ZSCAN22: variants seen among roughly 807,000 people sequenced by gnomAD.
ZSCAN22 encodes the protein zinc finger and SCAN domain containing 22.
A neutral mutation model predicts 12.4 loss-of-function variants in ZSCAN22; 7 were observed. That is an observed-to-expected ratio of 0.57 (90% confidence interval 0.32 to 1.06). The LOEUF (loss-of-function observed/expected upper bound fraction) is 1.06, where lower values mean the gene tolerates loss of function less well. Ranked by LOEUF, ZSCAN22 falls within the 50% of genes least tolerant of loss-of-function variation. ZSCAN22 has a pLI of 0.04. For synonymous variants in ZSCAN22, 243 were observed against 255.9 expected, an observed-to-expected ratio of 0.95 and a Z score of 0.48; for missense variants, 576 against 631.7, an observed-to-expected ratio of 0.91 and a Z score of 0.94.
chr19:58,337,971 T>C (rs2051817292), intron 2 of ZSCAN22, among the ~76,000 whole-genome samples: 1 of 152,238 alleles, frequency 6.6e-6, no homozygotes, highest in Non-Finnish European at 1.5e-5. Flanking sequence ...ACATCAGGGT[T>C]TCTCCTCTTG....
At chr19:58,327,377 C>G (rs1600480820) in intron 1 of ZSCAN22, among the ~76,000 whole-genome samples, 1 of 152,014 alleles carries the variant, frequency 6.6e-6, no homozygotes, top group Non-Finnish European at 1.5e-5. Context: ...ACTCACGGAC[C>G]GAATGTGGTG....
Position 58,329,725 on chromosome 19 carries a change from A to T in ZSCAN22, c.-52+2611A>T, listed in dbSNP as rs530941148. Among the ~76,000 whole-genome samples, 2 of 152,266 alleles carry T rather than the reference A, an allele frequency of 1.3e-5. No homozygotes were observed. The highest frequency in any genetic ancestry group is 4.1e-4 in the South Asian group (2 of 4,824). Reference sequence around the variant, plus strand: ...TCTATTTTATTAGTCATTGTTGTTAATTTCTTACTATGCCTAACTTATGAA... The same window carrying T: ...TCTATTTTATTAGTCATTGTTGTTATTTTCTTACTATGCCTAACTTATGAA... On this transcript the variant is annotated intron_variant, in intron 1 of 2. Coordinates refer to ENST00000329665, the MANE Select transcript of ZSCAN22 (RefSeq NM_181846.3). The surrounding 1 kb of genome is among the most constrained non-coding windows in gnomAD (Gnocchi z 4.1).
In ZSCAN22 at chr19:58,338,854, G is replaced by A. The variant is rs766771221; in HGVS notation, c.1004G>A (p.Arg335Gln). The A allele has an allele frequency of 4.3e-6, 7 of 1,613,898 alleles. No homozygotes were observed. Among genetic ancestry groups the A allele is most frequent in the East Asian group, 2.2e-5 (1 of 44,872 alleles). Residue 335 changes from arginine to glutamine, a missense_variant, in exon 3 of 3, where the codon CGA becomes CAA. Transcript: ENST00000329665. This position sits in a 1 kb window ranked among gnomAD's most constrained non-coding sequence, Gnocchi z 5.4. The part of the protein sequence containing the change: ...ECKECGKAFS[R>Q]VTHLTQHQRI... ...AAGGAATGTGGGAAGGCCTTCAGCC[G>A]AGTCACCCACCTGACTCAGCACCAA...
intron 1 of ZSCAN22, among the ~76,000 whole-genome samples, chr19:58,327,385 G>A (rs1295449536): frequency 6.6e-6 from 1 of 152,192 alleles, no homozygotes; most frequent in Non-Finnish European, 1.5e-5. Flanking sequence ...ACCGAATGTG[G>A]TGCGGAATGA....
intron 1 of ZSCAN22, 65 bp from the exon 2 acceptor site, chr19:58,334,687 C>A: frequency 8.1e-7 from 1 of 1,227,362 alleles, no homozygotes. Flanking sequence ...TGTGTTTTCC[C>A]TGCTCTGTAG....
chr19:58,334,555 A>ATGAG, intron 1 of ZSCAN22, 197 bp from the exon 2 acceptor site: 1 of 411,068 alleles, frequency 2.4e-6, no homozygotes, highest in Non-Finnish European at 4.3e-6. Context: ...TAAGTTTTAA[A>ATGAG]TGAGTCTACA....
rs1001178283 is a variant in ZSCAN22, at chr19:58,338,663, C to T, written c.813C>T (p.Arg271=). 34 of 1,614,196 alleles carry T rather than the reference C, an allele frequency of 2.1e-5. No individual in the cohort carries two copies. Among genetic ancestry groups the T allele is most frequent in the Non-Finnish European group, 2.4e-5 (28 of 1,180,044 alleles). Residue 271 remains arginine, a synonymous_variant, in exon 3 of 3, where the codon CGC becomes CGT. Transcript: ENST00000329665. The surrounding 1 kb of genome is among the most constrained non-coding windows in gnomAD (Gnocchi z 5.4). ...CAGGGAAGAGGTCCTCCAAGTGTCG[C>T]GAGTGTAGGAAGATGTTCCAGAGTG... ...TYSGKRSSKC[R]ECRKMFQSAS... is the part of the protein sequence containing the mutation.
chr19:58,336,495 G>C (rs2051798935), intron 2 of ZSCAN22, among the ~76,000 whole-genome samples: 1 of 152,108 alleles, frequency 6.6e-6, no homozygotes. Flanking sequence ...TCTGGTAAAA[G>C]CAGGTGGTGT....
At position 58,340,285 on chromosome 19, in the gene ZSCAN22, C is replaced by T. The variant is rs2051855476; in HGVS notation, c.*959C>T. The T allele has an allele frequency of 6.6e-6, 1 of 152,164 alleles. No homozygotes were observed. Among genetic ancestry groups the T allele is most frequent in the South Asian group, 2.1e-4 (1 of 4,834 alleles). 9.4% of individuals were successfully genotyped at this position (152,164 alleles called of 1,614,324 possible). A position where few individuals can be genotyped will look rare whatever the true frequency, so the allele number is the denominator to read the frequency against. On this transcript the variant is annotated 3_prime_UTR_variant, in exon 3 of 3. Coordinates refer to ENST00000329665, the MANE Select transcript of ZSCAN22 (RefSeq NM_181846.3). ...CCCGAGCAACCTCTCCAGTTATCCT[C>T]ATATGCATGTATGAATACTGTCATT...
At chr19:58,330,234 G>A (rs1423056530) in intron 1 of ZSCAN22, among the ~76,000 whole-genome samples, 4 of 152,198 alleles carry the variant, frequency 2.6e-5, no homozygotes, top group Non-Finnish European at 5.9e-5. Context: ...AGCTTGCAGT[G>A]AGCCAAGATT....
Position 58,338,724 on chromosome 19 carries a change from C to T in ZSCAN22, c.874C>T (p.Arg292Trp), listed in dbSNP as rs756244183. 1.2e-5 allele frequency: 20 copies of T among 1,614,102 alleles called. No individual in the cohort carries two copies. The highest frequency in any genetic ancestry group is 5.5e-5 in the South Asian group (5 of 91,084). ...CGAGGCACACCAGAAGACCCATTCT[C>T]GGAAGACCCCATATGCCTGCAGCGA... The part of the protein sequence containing the change: ...ALEAHQKTHS[R>W]KTPYACSECG... The change falls in exon 3 of 3, where the codon CGG (arginine) becomes TGG (tryptophan). Residue 292 changes from arginine (R) to tryptophan (W), a missense_variant. Transcript: ENST00000329665. This position sits in a 1 kb window ranked among gnomAD's most constrained non-coding sequence, Gnocchi z 5.4.
Position 58,338,832 on chromosome 19 carries a change from G to C in ZSCAN22, c.982G>C (p.Glu328Gln). The change falls in exon 3 of 3, where the codon GAA becomes CAA. Residue 328 changes from glutamate to glutamine, a missense_variant. By Grantham distance (29) the Glu-to-Gln change is conservative. Coordinates refer to ENST00000329665, the MANE Select transcript of ZSCAN22 (RefSeq NM_181846.3). This position sits in a 1 kb window ranked among gnomAD's most constrained non-coding sequence, Gnocchi z 5.4. ...HTGAKPHECK[E>Q]CGKAFSRVTH... ...AGGGGCGAAGCCCCATGAGTGTAAG[G>C]AATGTGGGAAGGCCTTCAGCCGAGT... 3 of 1,614,016 alleles carry C rather than the reference G, an allele frequency of 1.9e-6. No individual in the cohort carries two copies. The East Asian group carries it at 6.7e-5, about 36-fold the overall frequency.
rs771274636 is a variant in ZSCAN22 at position 58,338,617 on chromosome 19, CA to C, written c.768del (p.Glu257SerfsTer83). The C allele has an allele frequency of 6.2e-7, 1 of 1,614,226 alleles. No homozygotes were observed. Among genetic ancestry groups the C allele is most frequent in the South Asian group, 1.1e-5 (1 of 91,080 alleles). On this transcript the variant is annotated frameshift_variant, in exon 3 of 3. Coordinates refer to ENST00000329665, the MANE Select transcript of ZSCAN22 (RefSeq NM_181846.3). LOFTEE classifies it low-confidence loss of function (END_TRUNC). This position sits in a 1 kb window ranked among gnomAD's most constrained non-coding sequence, Gnocchi z 5.4. ...TTTGATCTGGTGGATGCTTATGGGACAGAGCCTCCATACACCTACTCAGGGA... is the reference window on the plus strand; with the variant it reads ...TTTGATCTGGTGGATGCTTATGGGACGAGCCTCCATACACCTACTCAGGGA... ...DKFDLVDAYG[T>X]EPPYTYSGKR...
chr19:58,328,639 T>C (rs2051685015), intron 1 of ZSCAN22, among the ~76,000 whole-genome samples: 1 of 152,160 alleles, frequency 6.6e-6, no homozygotes, highest in African/African-American at 2.4e-5. Flanking sequence ...AACCTCAACC[T>C]GATAGGAGTT....
rs2051772426 is a variant in ZSCAN22, at chr19:58,334,838, G to A, written c.36G>A (p.Pro12=). 1.2e-6 allele frequency: 2 copies of A among 1,612,512 alleles called. No individual in the cohort carries two copies. Among genetic ancestry groups the A allele is most frequent in the Non-Finnish European group, 1.7e-6 (2 of 1,179,224 alleles). The change falls in exon 2 of 3, where the codon CCG becomes CCA. Residue 12 remains proline (P), a synonymous_variant. Coordinates refer to ENST00000329665, the MANE Select transcript of ZSCAN22 (RefSeq NM_181846.3). ...AIPKHSLSPV[P]WEEDSFLQVK... ...CCAAGCACTCCCTGAGCCCAGTGCC[G>A]TGGGAAGAGGACAGCTTCCTTCAAG... is the stretch of plus-strand genomic sequence containing the variant.
Position 58,340,357 on chromosome 19 carries a change from A to C in ZSCAN22, c.*1031A>C, listed in dbSNP as rs1600497028. On this transcript the variant is annotated 3_prime_UTR_variant, in exon 3 of 3. Transcript: ENST00000329665. ...TGGCCTCATCTCATACCATGGCTCCACCTTCCATACACCAGCCACACGGAA... is the reference window on the plus strand; with the variant it reads ...TGGCCTCATCTCATACCATGGCTCCCCCTTCCATACACCAGCCACACGGAA... 6.6e-6 allele frequency: 1 copy of C among 152,070 alleles called. No individual in the cohort carries two copies. Among genetic ancestry groups the C allele is most frequent in the Admixed American group, 6.6e-5 (1 of 15,256 alleles). The allele number at this position is 152,070 out of a possible 1,614,324, so 9.4% of individuals were successfully genotyped here. A position where few individuals can be genotyped will look rare whatever the true frequency, so the allele number is the denominator to read the frequency against.
intron 1 of ZSCAN22, among the ~76,000 whole-genome samples, chr19:58,332,928 T>A (rs1339844873): frequency 6.6e-6 from 1 of 152,224 alleles, no homozygotes; most frequent in Non-Finnish European, 1.5e-5. Flanking sequence ...CAGCAGCATA[T>A]GAGGATTACA....
rs369973732 is a variant in ZSCAN22, at chr19:58,334,820, C to T, written c.18C>T (p.His6=). The change falls in exon 2 of 3, where the codon CAC becomes CAT. Residue 6 remains histidine (H), a synonymous_variant. Transcript: ENST00000329665. The stretch of plus-strand genomic sequence containing the variant: ...GCTGCCCGATGGCCATCCCCAAGCA[C>T]TCCCTGAGCCCAGTGCCGTGGGAAG... MAIPK[H]SLSPVPWEED... 1.7e-5 allele frequency: 28 copies of T among 1,605,652 alleles called. No homozygotes were observed. The South Asian group carries it at 2.2e-4, about 13-fold the overall frequency.
intron 1 of ZSCAN22, among the ~76,000 whole-genome samples, chr19:58,333,230 T>G (rs764983910): frequency 1.3e-5 from 2 of 152,258 alleles, no homozygotes; most frequent in African/African-American, 2.4e-5. Flanking sequence ...GTGGGCTGCT[T>G]TTTTACTTTC....
Sources: gnomAD v4.1 joint callset for allele counts (sites outside exome capture counted in the v4.1 genomes callset) on GRCh38, gnomAD v4.1.1 for gene constraint, Gnocchi (gnomAD v3.1) non-coding constraint, MANE v1.5 for transcripts, NCBI Gene and HGNC (gene_info 2026-07-23, HGNC 2026-07-21) for gene names.